The following CNTNAP2 variants were observed in gnomAD, a reference collection of about 807,000 sequenced individuals.
The protein encoded by CNTNAP2 is contactin-associated protein-like 2.
In CNTNAP2, 98 loss-of-function variants were observed where a neutral mutation model predicts 155.2. The observed-to-expected ratio is 0.63, with a 90% CI of 0.54 to 0.75. CNTNAP2 has a LOEUF of 0.75. Ranked by LOEUF, CNTNAP2 falls within the 30% of genes least tolerant of loss-of-function variation. The pLI, the probability that CNTNAP2 is intolerant of heterozygous loss-of-function variation, is 0.00. For missense variants in CNTNAP2, 1,727 were observed against 1,688.1 expected (o/e 1.02, Z -0.40); for synonymous variants, 651 against 631.2 (o/e 1.03, Z -0.47).
At chr7:146,645,285 CAG>C (rs1423052414) in intron 1 of CNTNAP2, among the ~76,000 whole-genome samples, 1 of 152,110 alleles carries the variant, frequency 6.6e-6, no homozygotes, top group African/African-American at 2.4e-5. Flanking sequence ...GAAAGAGGCA[CAG>C]AGTTATAACA....
At chr7:147,135,255 T>G (rs1442990731) in intron 8 of CNTNAP2, among the ~76,000 whole-genome samples, 2 of 151,924 alleles carry the variant, frequency 1.3e-5, no homozygotes, top group East Asian at 3.9e-4. Context: ...CTTATGAAAT[T>G]CAGTCAAACT....
At chr7:147,480,910 T>C (rs985400021) in intron 10 of CNTNAP2, among the ~76,000 whole-genome samples, 1 of 152,176 alleles carries the variant, frequency 6.6e-6, no homozygotes, top group African/African-American at 2.4e-5. Context: ...AATCAGAATC[T>C]TTAAGATTTT....
intron 1 of CNTNAP2, among the ~76,000 whole-genome samples, chr7:146,306,329 T>C (rs2129089507): frequency 6.6e-6 from 1 of 152,254 alleles, no homozygotes; most frequent in South Asian, 2.1e-4. Context: ...AAAGAGGAGC[T>C]GGTACCATTC....
intron 11 of CNTNAP2, among the ~76,000 whole-genome samples, chr7:147,498,251 G>A (rs1005408353): frequency 6.6e-6 from 1 of 152,076 alleles, no homozygotes; most frequent in Non-Finnish European, 1.5e-5. Flanking sequence ...CATCCCAAAG[G>A]GTGCTGAAGA....
At chr7:146,626,948 C>T (rs1799429860) in intron 1 of CNTNAP2, among the ~76,000 whole-genome samples, 1 of 152,096 alleles carries the variant, frequency 6.6e-6, no homozygotes, top group South Asian at 2.1e-4. Context: ...ATTCCAGCCT[C>T]ATTTTTCTTT....
intron 8 of CNTNAP2, among the ~76,000 whole-genome samples, chr7:147,192,064 T>G (rs529143361): frequency 1.1e-4 from 17 of 152,322 alleles, no homozygotes; most frequent in African/African-American, 3.8e-4. Context: ...CTAAGGTTGC[T>G]TCATATATGT....
chr7:147,558,453 G>A (rs150418647), intron 11 of CNTNAP2, among the ~76,000 whole-genome samples: 173 of 152,258 alleles, frequency 1.1e-3, no homozygotes, highest in African/African-American at 3.9e-3. Context: ...TAGTGCCAGC[G>A]TCATTTGGGA....
chr7:146,955,064 T>C (rs944943134), intron 3 of CNTNAP2, among the ~76,000 whole-genome samples: 1 of 151,968 alleles, frequency 6.6e-6, no homozygotes, highest in African/African-American at 2.4e-5. Context: ...ACAACCTTAT[T>C]TGGCATTGGA....
intron 1 of CNTNAP2, among the ~76,000 whole-genome samples, chr7:146,698,901 T>C (rs917425616): frequency 3.3e-5 from 5 of 152,164 alleles, no homozygotes; most frequent in Non-Finnish European, 7.4e-5. Context: ...GTGTCCAGCC[T>C]ACTAATGAAC....
At chr7:147,757,375 CA>C (rs1428299493) in intron 13 of CNTNAP2, among the ~76,000 whole-genome samples, 10 of 152,102 alleles carry the variant, frequency 6.6e-5, no homozygotes, top group African/African-American at 2.4e-4. Flanking sequence ...AAATTCCAGG[CA>C]GAAGGAAATT....
chr7:146,145,447 C>A (rs1797944816), intron 1 of CNTNAP2, among the ~76,000 whole-genome samples: 1 of 152,120 alleles, frequency 6.6e-6, no homozygotes, highest in Admixed American at 6.6e-5. Flanking sequence ...AGATACTGGG[C>A]AGGCAATTAG....
At chr7:146,251,994 G>C (rs1482810904) in intron 1 of CNTNAP2, among the ~76,000 whole-genome samples, 1 of 152,122 alleles carries the variant, frequency 6.6e-6, no homozygotes, top group Admixed American at 6.5e-5. Context: ...AGGACTGCCG[G>C]GTGAGTTTGG....
intron 10 of CNTNAP2, among the ~76,000 whole-genome samples, chr7:147,451,780 A>AC (rs1797838049): frequency 1.3e-5 from 2 of 152,104 alleles, no homozygotes; most frequent in Non-Finnish European, 1.5e-5. Flanking sequence ...AAAAAAAAAA[A>AC]ACTCACATTG....
rs981300377 is a variant in CNTNAP2, at chr7:146,256,418, G to T, written c.97+139445G>T. ...TGTGAAATTCCTAGAGAAATTTAAA[G>T]AGTTTTCTTTAGAATATTTTATTTG... is the stretch of plus-strand genomic sequence containing the variant. On this transcript the variant is annotated intron_variant, in intron 1 of 23. Transcript: ENST00000361727. 2.0e-5 allele frequency among the ~76,000 whole-genome samples: 3 copies of T among 152,020 alleles called. No homozygotes were observed. In the East Asian group the frequency reaches 5.8e-4, roughly 29 times the overall value.
At chr7:147,951,552 C>T (rs934174987) in intron 14 of CNTNAP2, among the ~76,000 whole-genome samples, 3 of 152,018 alleles carry the variant, frequency 2.0e-5, no homozygotes, top group Non-Finnish European at 2.9e-5. Flanking sequence ...CAGAAATGAA[C>T]GTTGTGGTTT....
chr7:147,597,270 T>C (rs1461448845), intron 12 of CNTNAP2, among the ~76,000 whole-genome samples: 1 of 152,102 alleles, frequency 6.6e-6, no homozygotes, highest in Non-Finnish European at 1.5e-5. Context: ...TTGTACCATC[T>C]CTTCCTTCTA....
intron 1 of CNTNAP2, among the ~76,000 whole-genome samples, chr7:146,251,407 G>A (rs891691903): frequency 2.0e-5 from 3 of 152,068 alleles, no homozygotes; most frequent in African/African-American, 7.2e-5. Flanking sequence ...AAGCAGATAT[G>A]CTGTCAAAAT....
chr7:146,526,864 A>G (rs801947), intron 1 of CNTNAP2, among the ~76,000 whole-genome samples: 4,356 of 152,216 alleles, frequency 0.029, 207 homozygotes, highest in African/African-American at 0.099. Context: ...ATGATAAAAG[A>G]GTTATGTCAG....
At chr7:147,021,363 C>A (rs185248823) in intron 3 of CNTNAP2, among the ~76,000 whole-genome samples, 66 of 152,224 alleles carry the variant, frequency 4.3e-4, no homozygotes, top group Admixed American at 1.0e-3. Flanking sequence ...TTTTTTATTA[C>A]ATATTCTATA....
Sources: allele counts gnomAD v4.1 joint callset (sites outside exome capture counted in the v4.1 genomes callset), GRCh38; gene constraint gnomAD v4.1.1; transcripts MANE v1.5; gene names NCBI Gene and HGNC (gene_info 2026-07-23, HGNC 2026-07-21).